GATAD2B: variants seen among roughly 807,000 people sequenced by gnomAD.
The protein encoded by GATAD2B is GATA zinc finger domain containing 2B, also known as transcriptional repressor p66-beta.
GATAD2B carries 8 observed loss-of-function variants against 64.3 expected under a neutral mutation model. The ratio of observed to expected loss-of-function variants is 0.12; its 90% CI spans 0.07 to 0.22. The LOEUF is 0.22. Among genes scored for constraint, GATAD2B ranks in the 10% least tolerant of loss-of-function variants. GATAD2B has a pLI of 1.00. For synonymous variants in GATAD2B, 281 were observed against 271.3 expected, an observed-to-expected ratio of 1.04 and a Z score of -0.35; for missense variants, 453 against 752.0, an observed-to-expected ratio of 0.60 and a Z score of 4.65.
intron 1 of GATAD2B, among the ~76,000 whole-genome samples, chr1:153,871,545 C>T (rs1386295384): frequency 6.6e-6 from 1 of 152,026 alleles, no homozygotes; most frequent in Non-Finnish European, 1.5e-5. Context: ...TTATTAGAAT[C>T]GTGGATATTT....
intron 2 of GATAD2B, among the ~76,000 whole-genome samples, chr1:153,825,253 G>A (rs1429048500): frequency 1.3e-5 from 2 of 152,150 alleles, no homozygotes; most frequent in Non-Finnish European, 2.9e-5. Context: ...AGGTTGCTCA[G>A]GTTCATGATC....
At position 153,817,400 on chromosome 1, in the gene GATAD2B, T is replaced by C; in HGVS notation, c.872A>G (p.Asn291Ser). Reference sequence around the variant, plus strand: ...TTGATAATTGATGGCGGGATTCATGTTGGGTGTTGTGGTGCGTACAAGGCC... The same window carrying C: ...TTGATAATTGATGGCGGGATTCATGCTGGGTGTTGTGGTGCGTACAAGGCC... ...KPGLVRTTTP[N>S]MNPAINYQPQ... Residue 291 changes from asparagine to serine, a missense_variant, in exon 6 of 11, where the codon AAC (asparagine) becomes AGC (serine). This residue lies in a region of GATAD2B where 293 missense variants were observed against 417.2 expected (regional missense o/e 0.70). Coordinates refer to ENST00000368655, the MANE Select transcript of GATAD2B (RefSeq NM_020699.4). 3.2e-6 allele frequency: 5 copies of C among 1,586,016 alleles called. No homozygotes were observed. Among genetic ancestry groups the C allele is most frequent in the Non-Finnish European group, 4.3e-6 (5 of 1,168,806 alleles).
intron 1 of GATAD2B, among the ~76,000 whole-genome samples, chr1:153,917,424 T>A (rs1355041559): frequency 8.2e-4 from 97 of 117,792 alleles, no homozygotes; most frequent in Middle Eastern, 0.015. Flanking sequence ...AAACTGAGTC[T>A]CACGCTATCA....
At chr1:153,841,766 T>G (rs925369035) in intron 1 of GATAD2B, among the ~76,000 whole-genome samples, 2 of 152,194 alleles carry the variant, frequency 1.3e-5, no homozygotes, top group Non-Finnish European at 2.9e-5. Context: ...ATGGGAAAGT[T>G]TTTGTAGAAA....
intron 1 of GATAD2B, chr1:153,851,966 G>A (rs1295605893): frequency 4.4e-5 from 13 of 298,724 alleles, no homozygotes; most frequent in Non-Finnish European, 6.7e-5. Flanking sequence ...AATCCAGCTG[G>A]AAATAACTAT....
intron 1 of GATAD2B, among the ~76,000 whole-genome samples, chr1:153,869,751 C>T (rs1269708546): frequency 1.3e-5 from 2 of 152,186 alleles, no homozygotes; most frequent in African/African-American, 2.4e-5. Flanking sequence ...AAATAAAATG[C>T]ATGCATACAC....
chr1:153,868,182 G>A (rs954800721), intron 1 of GATAD2B, among the ~76,000 whole-genome samples: 3 of 151,570 alleles, frequency 2.0e-5, no homozygotes, highest in African/African-American at 7.3e-5. Context: ...AGACTGGGTG[G>A]ACAGAGGCAG....
chr1:153,840,199 A>AT (rs2101900760), intron 1 of GATAD2B, among the ~76,000 whole-genome samples: 1 of 146,670 alleles, frequency 6.8e-6, no homozygotes, highest in African/African-American at 2.5e-5. Flanking sequence ...CGCCCGGCTA[A>AT]TTTTTTGTAT....
chr1:153,857,136 GCA>G (rs1491172134), intron 1 of GATAD2B, among the ~76,000 whole-genome samples: 1 of 99,432 alleles, frequency 1.0e-5, no homozygotes, highest in Non-Finnish European at 2.2e-5. Flanking sequence ...ATATGCATAT[GCA>G]TATATATATA....
chr1:153,912,558 C>G (rs1405114314), intron 1 of GATAD2B, among the ~76,000 whole-genome samples: 1 of 152,160 alleles, frequency 6.6e-6, no homozygotes, highest in Admixed American at 6.5e-5. Context: ...GGTCTTCTGG[C>G]CAACCTGTCC....
rs1675969318 is a variant in GATAD2B at position 153,853,288 on chromosome 1, G to GTAGGACA, written c.-1-24947_-1-24941dup. 3.4e-6 allele frequency: 3 copies of GTAGGACA among 875,860 alleles called. No individual in the cohort carries two copies. The South Asian group carries it at 4.0e-5, about 12-fold the overall frequency. 54.3% of individuals were successfully genotyped at this position (875,860 alleles called of 1,614,324 possible). The stretch of plus-strand genomic sequence containing the variant: ...CTGCCATCTCACACACAGACTTCAA[G>GTAGGACA]TAGGACACTGGTCCTTTGTACTGAC... On this transcript the variant is annotated intron_variant, in intron 1 of 10. Coordinates refer to ENST00000368655, the MANE Select transcript of GATAD2B (RefSeq NM_020699.4).
intron 1 of GATAD2B, among the ~76,000 whole-genome samples, chr1:153,858,868 C>T (rs1260037102): frequency 6.6e-6 from 1 of 152,000 alleles, no homozygotes; most frequent in East Asian, 1.9e-4. Flanking sequence ...AGAGACTATT[C>T]TTAAAAGTAT....
intron 1 of GATAD2B, among the ~76,000 whole-genome samples, chr1:153,866,832 A>G (rs760441326): frequency 1.6e-4 from 24 of 152,138 alleles, no homozygotes; most frequent in Non-Finnish European, 2.8e-4. Flanking sequence ...GCCAGGCTGG[A>G]GTGCAGTGGC....
At chr1:153,885,909 A>G (rs887524539) in intron 1 of GATAD2B, among the ~76,000 whole-genome samples, 5 of 151,920 alleles carry the variant, frequency 3.3e-5, no homozygotes, top group Admixed American at 2.0e-4. Flanking sequence ...AAGATGTACA[A>G]CCTAGATACA....
chr1:153,908,521 G>C (rs1039958157), intron 1 of GATAD2B, among the ~76,000 whole-genome samples: 6 of 150,490 alleles, frequency 4.0e-5, no homozygotes, highest in African/African-American at 1.5e-4. Flanking sequence ...TCGTTGCCCA[G>C]GCTGGAATCC....
rs1674091727 is a variant in GATAD2B, at chr1:153,805,706, C to G, written c.*4471G>C. ...AAGTATAGAATTTTAAACTTGGTGG[C>G]CAGATGATCCCCCTCTTCACTTCAC... On this transcript the variant is annotated 3_prime_UTR_variant, in exon 11 of 11. Transcript: ENST00000368655. 1 of 152,148 alleles carries G rather than the reference C, an allele frequency of 6.6e-6. No homozygotes were observed. The highest frequency in any genetic ancestry group is 1.5e-5 in the Non-Finnish European group (1 of 68,032). 9.4% of individuals were successfully genotyped at this position (152,148 alleles called of 1,614,324 possible).
At chr1:153,894,854 T>G (rs1043233662) in intron 1 of GATAD2B, among the ~76,000 whole-genome samples, 3 of 150,510 alleles carry the variant, frequency 2.0e-5, no homozygotes, top group Admixed American at 1.3e-4. Flanking sequence ...AGGTCGAGAC[T>G]ACGTCTCAAA....
chr1:153,904,600 G>C (rs927918192), intron 1 of GATAD2B, among the ~76,000 whole-genome samples: 1 of 152,068 alleles, frequency 6.6e-6, no homozygotes, highest in Non-Finnish European at 1.5e-5. Context: ...GGAGTAGAGT[G>C]GCATGACCTC....
rs748905334 is a variant in GATAD2B, at chr1:153,810,175, C to A, written c.*2G>T. ...GATGGGGCAGTACAAGTGGAACAGG[C>A]GTTATTTCTGTCCACTGATGGACTG... On this transcript the variant is annotated 3_prime_UTR_variant, in exon 11 of 11. Transcript: ENST00000368655. 3 of 1,607,932 alleles carry A rather than the reference C, an allele frequency of 1.9e-6. No individual in the cohort carries two copies. The highest frequency in any genetic ancestry group is 2.2e-5 in the East Asian group (1 of 44,548).
Sources: allele counts gnomAD v4.1 joint callset (sites outside exome capture counted in the v4.1 genomes callset), GRCh38; gene constraint gnomAD v4.1.1; regional missense constraint gnomAD v4.1.1; transcripts MANE v1.5; gene names NCBI Gene and HGNC (gene_info 2026-07-23, HGNC 2026-07-21).